CSMD1: variants seen among roughly 807,000 people sequenced by gnomAD.
CSMD1 encodes the protein CUB and sushi domain-containing protein 1.
Under a neutral mutation model 417.5 loss-of-function variants are expected in CSMD1, and 213 were observed. That is an observed-to-expected ratio of 0.51 (90% confidence interval 0.46 to 0.57). The LOEUF (loss-of-function observed/expected upper bound fraction) is 0.57, where lower values mean the gene tolerates loss of function less well. CSMD1 is among the 20% of genes least tolerant of loss of function. The pLI is 0.00. For synonymous variants in CSMD1, 2,862 were observed against 1,736.8 expected (o/e 1.65, Z -16.11); for missense variants, 6,923 against 4,529.7 (o/e 1.53, Z -15.17).
intron 12 of CSMD1, among the ~76,000 whole-genome samples, chr8:3,442,377 C>G (rs1815040440): frequency 6.6e-6 from 1 of 152,154 alleles, no homozygotes; most frequent in Non-Finnish European, 1.5e-5. Flanking sequence ...CTGACTCACC[C>G]AGAACAACTT....
chr8:4,578,422 G>T (rs535643289), intron 2 of CSMD1, among the ~76,000 whole-genome samples: 1 of 138,272 alleles, frequency 7.2e-6, no homozygotes, highest in Admixed American at 8.3e-5. Flanking sequence ...CTCATGATTC[G>T]CCCACCTCAG....
chr8:3,482,964 G>C (rs190612651), intron 11 of CSMD1, among the ~76,000 whole-genome samples: 1 of 152,098 alleles, frequency 6.6e-6, no homozygotes, highest in East Asian at 1.9e-4. Context: ...AAAAATATGT[G>C]GGAAGCAGAT....
intron 7 of CSMD1, among the ~76,000 whole-genome samples, chr8:3,657,183 T>C (rs750514744): frequency 1.3e-5 from 2 of 152,194 alleles, no homozygotes; most frequent in East Asian, 3.9e-4. Context: ...TACAGGAAGA[T>C]GCTGCAGGAT....
intron 2 of CSMD1, among the ~76,000 whole-genome samples, chr8:4,519,742 CAAAAAAAAAAAAAAAAAA>C (rs57747377): frequency 7.8e-4 from 63 of 80,366 alleles, no homozygotes; most frequent in African/African-American, 2.4e-3. Context: ...GACTTCATCT[CAAAAAAAAAAAAAAAAAA>C]AAAAAAAAAA....
At chr8:4,321,405 C>G (rs1038260132) in intron 3 of CSMD1, among the ~76,000 whole-genome samples, 1 of 152,088 alleles carries the variant, frequency 6.6e-6, no homozygotes, top group South Asian at 2.1e-4. Context: ...TTTTTCATCC[C>G]AAACCTGCTG....
rs200994813 is a variant in CSMD1, at chr8:3,270,046, C to CTTTTTTT, written c.4153+14091_4153+14097dup. The stretch of plus-strand genomic sequence containing the variant: ...GAGCAAGGACTTTCTCTAACCTCTT[C>CTTTTTTT]TTTTTTTTTTTTTTTTTTTTTGAGA... On this transcript the variant is annotated intron_variant, in intron 26 of 69. Transcript: ENST00000635120. Among the ~76,000 whole-genome samples the CTTTTTTT allele has an allele frequency of 3.6e-3, 423 of 118,336 alleles. 9 individuals carry two copies. The highest frequency in any genetic ancestry group is 5.6e-3 in the Non-Finnish European group (323 of 58,026). 77.6% of individuals were successfully genotyped at this position (118,336 alleles called of 152,430 possible). A position where few individuals can be genotyped will look rare whatever the true frequency, so the allele number is the denominator to read the frequency against.
chr8:3,702,486 G>A (rs768793744), intron 7 of CSMD1, among the ~76,000 whole-genome samples: 4 of 152,190 alleles, frequency 2.6e-5, no homozygotes, highest in Admixed American at 6.5e-5. Context: ...CTGCCAAGAA[G>A]AATGCTCAGA....
intron 26 of CSMD1, among the ~76,000 whole-genome samples, chr8:3,281,376 A>G (rs967389039): frequency 1.3e-5 from 2 of 152,132 alleles, no homozygotes; most frequent in African/African-American, 2.4e-5. Context: ...CCCAGGAGGC[A>G]GAGGCTCCAG....
intron 1 of CSMD1, among the ~76,000 whole-genome samples, chr8:4,743,316 A>T (rs982667244): frequency 6.6e-6 from 1 of 152,226 alleles, no homozygotes; most frequent in Admixed American, 6.5e-5. Flanking sequence ...TATTTCCATT[A>T]CAATTCTGAA....
intron 3 of CSMD1, among the ~76,000 whole-genome samples, chr8:4,364,275 ACTTT>A (rs1197767566): frequency 2.6e-5 from 4 of 152,198 alleles, no homozygotes; most frequent in Non-Finnish European, 5.9e-5. Flanking sequence ...AAGGATTACA[ACTTT>A]CTTTAAGCCA....
At chr8:4,471,020 T>A (rs577033562) in intron 2 of CSMD1, among the ~76,000 whole-genome samples, 2 of 152,208 alleles carry the variant, frequency 1.3e-5, no homozygotes, top group Non-Finnish European at 2.9e-5. Flanking sequence ...GAGGATTCTA[T>A]GAAATATCTT....
chr8:3,831,413 G>A lies in CSMD1; in HGVS notation c.819-77371C>T, dbSNP rs888964971. Among the ~76,000 whole-genome samples the A allele has an allele frequency of 1.3e-5, 2 of 152,010 alleles. 1 individual carries two copies. Among genetic ancestry groups the A allele is most frequent in the South Asian group, 4.2e-4 (2 of 4,806 alleles). On this transcript the variant is annotated intron_variant, in intron 5 of 69. Coordinates refer to ENST00000635120, the MANE Select transcript of CSMD1 (RefSeq NM_033225.6). ...TGATTCTTGGAACTGCCCTCACAATGACCAAAGCTATATTAAAATTCCATA... is the reference window on the plus strand; with the variant it reads ...TGATTCTTGGAACTGCCCTCACAATAACCAAAGCTATATTAAAATTCCATA...
intron 7 of CSMD1, among the ~76,000 whole-genome samples, chr8:3,654,967 C>G (rs953579566): frequency 6.6e-6 from 1 of 152,120 alleles, no homozygotes; most frequent in Non-Finnish European, 1.5e-5. Flanking sequence ...TGATGCATCT[C>G]AAACTGAAAA....
intron 6 of CSMD1, among the ~76,000 whole-genome samples, chr8:3,710,572 A>C (rs1283348870): frequency 6.6e-6 from 1 of 152,100 alleles, no homozygotes. Flanking sequence ...GATGTCACTA[A>C]GCACCTGCTT....
chr8:4,515,405 C>T (rs1665151526), intron 2 of CSMD1, among the ~76,000 whole-genome samples: 3 of 152,138 alleles, frequency 2.0e-5, no homozygotes, highest in East Asian at 3.9e-4. Flanking sequence ...CATGAAGAGG[C>T]GTCTTTGTCT....
intron 17 of CSMD1, among the ~76,000 whole-genome samples, chr8:3,392,553 C>T (rs1415762282): frequency 6.6e-6 from 1 of 151,990 alleles, no homozygotes; most frequent in Non-Finnish European, 1.5e-5. Flanking sequence ...TGGCCTTGGC[C>T]CCTTCCCTCC....
At chr8:4,035,619 G>A (rs536917236) in intron 3 of CSMD1, among the ~76,000 whole-genome samples, 1 of 152,198 alleles carries the variant, frequency 6.6e-6, no homozygotes, top group Non-Finnish European at 1.5e-5. Context: ...TAAAAAGTAA[G>A]AACATATAAA....
intron 5 of CSMD1, among the ~76,000 whole-genome samples, chr8:3,918,483 G>T (rs1404570060): frequency 1.3e-5 from 2 of 152,054 alleles, no homozygotes; most frequent in Admixed American, 6.6e-5. Flanking sequence ...TTGGACGTTT[G>T]TATGTCTTTG....
chr8:4,908,142 G>C (rs557503132), intron 1 of CSMD1, among the ~76,000 whole-genome samples: 50 of 152,208 alleles, frequency 3.3e-4, no homozygotes, highest in African/African-American at 1.1e-3. Flanking sequence ...CAGAATTCTA[G>C]GTAGTTGTAT....
Sources: allele counts gnomAD v4.1 joint callset (sites outside exome capture counted in the v4.1 genomes callset), GRCh38; gene constraint gnomAD v4.1.1; transcripts MANE v1.5; gene names NCBI Gene and HGNC (gene_info 2026-07-23, HGNC 2026-07-21).